Variants in RAB33A observed in about 807,000 individuals in gnomAD.
The protein encoded by RAB33A is RAB33A, member RAS oncogene family, also known as ras-related protein Rab-33A.
Under a neutral mutation model 12.0 loss-of-function variants are expected in RAB33A, and 6 were observed. The observed-to-expected ratio is 0.50, with a 90% CI of 0.27 to 0.99. The LOEUF is 0.99. Among genes scored for constraint, RAB33A ranks in the 50% least tolerant of loss-of-function variants. RAB33A has a pLI of 0.11. For missense variants in RAB33A, 109 were observed against 192.0 expected, an observed-to-expected ratio of 0.57 and a Z score of 2.55; for synonymous variants, 70 against 82.4, an observed-to-expected ratio of 0.85 and a Z score of 0.81.
chrX:130,171,026 TAGG>T (rs1246736309), upstream of RAB33A, among the ~76,000 whole-genome samples: 1 of 112,994 alleles, frequency 8.9e-6, no homozygotes, highest in Non-Finnish European at 1.9e-5. Context: ...CGGCAGCCAA[TAGG>T]AGCCGCTCTC....
At chrX:130,138,168 A>T in the RAB33A span, 1 of 157,387 alleles carries the variant, frequency 6.4e-6, no homozygotes, top group Non-Finnish European at 1.2e-5. Context: ...GCTTTTCACT[A>T]TATAAACCTT....
chrX:130,133,907 C>T, the RAB33A span, among the ~76,000 whole-genome samples: 1 of 109,768 alleles, frequency 9.1e-6, no homozygotes, highest in Non-Finnish European at 1.9e-5. Context: ...GCTGGGATTA[C>T]AGGCATGAGT....
At chrX:130,111,012 G>A in the RAB33A span, among the ~76,000 whole-genome samples, 1 of 95,338 alleles carries the variant, frequency 1.0e-5, no homozygotes, top group Admixed American at 1.1e-4. Context: ...GGCGGGGTGG[G>A]GGAGGGAACG....
At chrX:130,153,535 A>G in the RAB33A span, among the ~76,000 whole-genome samples, 1 of 111,163 alleles carries the variant, frequency 9.0e-6, no homozygotes, top group Non-Finnish European at 1.9e-5. Context: ...TATGGACTGA[A>G]TGTTTCCTAT....
chrX:130,156,860 T>C, the RAB33A span, among the ~76,000 whole-genome samples: 1 of 111,873 alleles, frequency 8.9e-6, no homozygotes, highest in African/African-American at 3.2e-5. Context: ...GAAAAGATCA[T>C]GAAAAACACG....
chrX:130,127,689 TCC>T, the RAB33A span, among the ~76,000 whole-genome samples: 3 of 78,974 alleles, frequency 3.8e-5, no homozygotes, highest in Non-Finnish European at 6.8e-5. Context: ...AGATGAGTTT[TCC>T]TTTTTTTTTT....
At chrX:130,112,156 A>C in the RAB33A span, among the ~76,000 whole-genome samples, 1 of 112,256 alleles carries the variant, frequency 8.9e-6, no homozygotes, top group Non-Finnish European at 1.9e-5. Flanking sequence ...TCCCAAGGAA[A>C]GATCCTGTGG....
the RAB33A span, among the ~76,000 whole-genome samples, chrX:130,135,439 T>TTAAAAA: frequency 2.6e-4 from 19 of 72,941 alleles, no homozygotes; most frequent in African/African-American, 1.1e-3. Context: ...TTTTTTTTTT[T>TTAAAAA]AAAAAAAAAA....
In RAB33A at chrX:130,171,964, A is replaced by C; in HGVS notation, c.-99A>C. Reference sequence around the variant, plus strand: ...GACACACACACACGCGCGCACACACACACGCACAGAGCTCGCTCGCCTCGA... The same window carrying C: ...GACACACACACACGCGCGCACACACCCACGCACAGAGCTCGCTCGCCTCGA... On this transcript the variant is annotated 5_prime_UTR_variant, in exon 1 of 2. Coordinates refer to ENST00000257017, the MANE Select transcript of RAB33A (RefSeq NM_004794.3). 1 of 975,472 alleles carries C rather than the reference A, an allele frequency of 1.0e-6. No homozygotes were observed. Among genetic ancestry groups the C allele is most frequent in the Non-Finnish European group, 1.4e-6 (1 of 735,682 alleles). 80.4% of individuals were successfully genotyped at this position (975,472 alleles called of 1,213,427 possible). A position where few individuals can be genotyped will look rare whatever the true frequency, so the allele number is the denominator to read the frequency against.
the RAB33A span, chrX:130,145,637 A>C: frequency 1.2e-6 from 1 of 859,364 alleles, no homozygotes; most frequent in South Asian, 2.1e-5. Context: ...CCGTAGCTTT[A>C]ATAAAACTGT....
the RAB33A span, among the ~76,000 whole-genome samples, chrX:130,130,620 T>C: frequency 1.2e-3 from 131 of 112,710 alleles, no homozygotes; most frequent in African/African-American, 3.5e-3. Context: ...GTACTCACCA[T>C]GTTTCATGAG....
upstream of RAB33A, among the ~76,000 whole-genome samples, chrX:130,168,509 C>T (rs1169783376): frequency 3.6e-5 from 4 of 111,414 alleles, no homozygotes; most frequent in Non-Finnish European, 7.5e-5. Context: ...CCACCTCGCC[C>T]GGCCTACAAA....
chrX:130,127,691 C>CTTTTTTTTTTT, the RAB33A span, among the ~76,000 whole-genome samples: 11 of 76,992 alleles, frequency 1.4e-4, 1 homozygote, highest in African/African-American at 4.1e-4. Context: ...ATGAGTTTTC[C>CTTTTTTTTTTT]TTTTTTTTTT....
At chrX:130,121,011 G>A in the RAB33A span, among the ~76,000 whole-genome samples, 1 of 112,560 alleles carries the variant, frequency 8.9e-6, no homozygotes, top group Non-Finnish European at 1.9e-5. Flanking sequence ...GCCCCAAGCG[G>A]CCTGACCAGC....
chrX:130,116,530 G>GACCC, the RAB33A span, among the ~76,000 whole-genome samples: 1 of 111,550 alleles, frequency 9.0e-6, no homozygotes, highest in Admixed American at 9.5e-5. Context: ...CTGACCTCAT[G>GACCC]ACCCACCCAC....
At chrX:130,170,967 C>G (rs145849952), upstream of RAB33A, among the ~76,000 whole-genome samples, 214 of 113,026 alleles carry the variant, frequency 1.9e-3, no homozygotes, top group African/African-American at 6.5e-3. Context: ...CTGTGTGGCC[C>G]TCTCCCGCGG....
chrX:130,149,450 G>C, the RAB33A span: 9 of 1,171,496 alleles, frequency 7.7e-6, no homozygotes, highest in Non-Finnish European at 1.0e-5. Flanking sequence ...ATCATAGCAA[G>C]ACTTAAGGGA....
chrX:130,169,943 A>G (rs1444045969), upstream of RAB33A, among the ~76,000 whole-genome samples: 2 of 112,118 alleles, frequency 1.8e-5, no homozygotes, highest in East Asian at 5.5e-4. Context: ...TCCAATACAG[A>G]GGGGAACGAT....
upstream of RAB33A, chrX:130,171,747 G>C (rs897571279): frequency 3.1e-5 from 9 of 292,403 alleles, no homozygotes; most frequent in South Asian, 6.6e-4. Context: ...CATCCGGTCC[G>C]AGGGCGCACA....
Sources: gnomAD v4.1 joint callset for allele counts (sites outside exome capture counted in the v4.1 genomes callset) on GRCh38, gnomAD v4.1.1 for gene constraint, MANE v1.5 for transcripts, NCBI Gene and HGNC (gene_info 2026-07-23, HGNC 2026-07-21) for gene names.